The following MLLT10 variants were observed in gnomAD, a reference collection of about 807,000 sequenced individuals.
MLLT10 encodes protein AF-10.
A neutral mutation model predicts 129.1 loss-of-function variants in MLLT10; 30 were observed. The ratio of observed to expected loss-of-function variants is 0.23; its 90% CI spans 0.17 to 0.32. The LOEUF (loss-of-function observed/expected upper bound fraction) is 0.32, where lower values mean the gene tolerates loss of function less well. MLLT10 is among the 10% of genes least tolerant of loss of function. MLLT10 has a pLI of 1.00. For synonymous variants in MLLT10, 490 were observed against 446.4 expected, an observed-to-expected ratio of 1.10 and a Z score of -1.23; for missense variants, 1,119 against 1,268.3, an observed-to-expected ratio of 0.88 and a Z score of 1.79.
At chr10:21,593,883 G>T (rs761902088) in intron 4 of MLLT10, among the ~76,000 whole-genome samples, 1 of 126,998 alleles carries the variant, frequency 7.9e-6, no homozygotes, top group Non-Finnish European at 1.6e-5. Context: ...CCGAAATCAT[G>T]CCAGTGCAGT....
In MLLT10 at chr10:21,595,372, C is replaced by G; in HGVS notation, c.337C>G (p.Gln113Glu). 2 of 1,613,714 alleles carry G rather than the reference C, an allele frequency of 1.2e-6. No homozygotes were observed. Among genetic ancestry groups the G allele is most frequent in the Non-Finnish European group, 1.7e-6 (2 of 1,179,814 alleles). Residue 113 changes from glutamine (Q) to glutamate (E), a missense_variant, in exon 5 of 23, where the codon CAA becomes GAA. By Grantham distance (29) the Gln-to-Glu change is conservative. Around this residue, in one of 5 missense-constraint regions of MLLT10, gnomAD observed 44 missense variants for 114.3 expected, o/e 0.38. Coordinates refer to ENST00000307729, the MANE Select transcript of MLLT10 (RefSeq NM_001195626.3). ...TTGTGCCCTGTATATTCCAGAGGTA[C>G]AATTTGCCAATGTTTCCACAATGGA... ...VVCALYIPEV[Q>E]FANVSTMEPI...
intron 8 of MLLT10, chr10:21,626,013 G>A: frequency 1.8e-6 from 2 of 1,141,584 alleles, no homozygotes; most frequent in Non-Finnish European, 2.7e-6. Flanking sequence ...TACTTCCTCT[G>A]TCCTGTGGTT....
intron 3 of MLLT10, chr10:21,556,720 A>T (rs777897743): frequency 1.5e-5 from 24 of 1,612,362 alleles, no homozygotes; most frequent in Middle Eastern, 1.6e-4. Flanking sequence ...GCGCATGTGC[A>T]TCTCCCCACC....
intron 3 of MLLT10, among the ~76,000 whole-genome samples, chr10:21,568,533 T>C (rs1480363104): frequency 6.6e-6 from 1 of 152,234 alleles, no homozygotes; most frequent in East Asian, 1.9e-4. Flanking sequence ...AATATAGTCA[T>C]GTAATTGTAT....
intron 8 of MLLT10, among the ~76,000 whole-genome samples, chr10:21,621,488 G>A (rs1214638041): frequency 6.6e-6 from 1 of 152,068 alleles, no homozygotes; most frequent in East Asian, 1.9e-4. Flanking sequence ...CTCATGATCC[G>A]CCCCTCTCGG....
At chr10:21,562,991 G>A (rs535259869) in intron 3 of MLLT10, among the ~76,000 whole-genome samples, 1 of 151,588 alleles carries the variant, frequency 6.6e-6, no homozygotes, top group African/African-American at 2.4e-5. Context: ...GGCTAATTTT[G>A]TATTTTTAGT....
At chr10:21,672,075 A>G (rs781211105) in intron 10 of MLLT10, among the ~76,000 whole-genome samples, 1 of 152,180 alleles carries the variant, frequency 6.6e-6, no homozygotes, top group African/African-American at 2.4e-5. Context: ...GGATTTACAT[A>G]GGTCTCAGTA....
At chr10:21,689,194 T>C (rs982383400) in intron 13 of MLLT10, among the ~76,000 whole-genome samples, 1 of 152,092 alleles carries the variant, frequency 6.6e-6, no homozygotes, top group Non-Finnish European at 1.5e-5. Context: ...TGTAAGGTCC[T>C]GGTTAGTTGC....
intron 3 of MLLT10, among the ~76,000 whole-genome samples, chr10:21,549,942 A>C (rs559372052): frequency 6.6e-6 from 1 of 152,210 alleles, no homozygotes; most frequent in Non-Finnish European, 1.5e-5. Context: ...CCTAGCTCTG[A>C]GTTGTACTCT....
chr10:21,651,837 A>G, intron 9 of MLLT10, 69 bp downstream of exon 9: 5 of 1,035,422 alleles, frequency 4.8e-6, no homozygotes, highest in Non-Finnish European at 7.2e-6. Context: ...ACCTCTAAAA[A>G]CTGTTTTCAT....
At chr10:21,586,159 T>C (rs2041961691) in intron 3 of MLLT10, 135 bp from the exon 4 acceptor site, 1 of 705,444 alleles carries the variant, frequency 1.4e-6, no homozygotes. Flanking sequence ...GTGAAGAATG[T>C]TCTGAAATAT....
At chr10:21,577,091 A>G (rs553585575) in intron 3 of MLLT10, among the ~76,000 whole-genome samples, 106 of 152,240 alleles carry the variant, frequency 7.0e-4, no homozygotes, top group African/African-American at 2.4e-3. Flanking sequence ...CTCTATCCCT[A>G]TTTGGGACAT....
intron 3 of MLLT10, among the ~76,000 whole-genome samples, chr10:21,585,300 C>G (rs1336268147): frequency 1.3e-5 from 2 of 152,080 alleles, no homozygotes; most frequent in Admixed American, 1.3e-4. Flanking sequence ...GTGAGACTTT[C>G]AGGAACATAT....
chr10:21,606,992 G>A (rs1054830883), intron 5 of MLLT10, among the ~76,000 whole-genome samples: 5 of 152,164 alleles, frequency 3.3e-5, no homozygotes, highest in African/African-American at 4.8e-5. Flanking sequence ...GCTGGGTGTG[G>A]TAGTTCACAC....
chr10:21,564,400 C>T (rs947327816), intron 3 of MLLT10: 12 of 151,800 alleles, frequency 7.9e-5, no homozygotes, highest in Admixed American at 5.9e-4. Flanking sequence ...GTTTTTAATA[C>T]GTATTTACTT....
intron 3 of MLLT10, among the ~76,000 whole-genome samples, chr10:21,578,933 A>C (rs1305460924): frequency 2.0e-5 from 3 of 152,234 alleles, no homozygotes; most frequent in Non-Finnish European, 4.4e-5. Flanking sequence ...AAAGTCTTCT[A>C]AGTTTACCCA....
At chr10:21,685,588 C>T (rs994464746) in intron 13 of MLLT10, among the ~76,000 whole-genome samples, 2 of 152,136 alleles carry the variant, frequency 1.3e-5, no homozygotes, top group African/African-American at 4.8e-5. Context: ...GCAAGTGGTC[C>T]ACCTCGGCCT....
At chr10:21,540,321 C>G (rs913069997) in intron 3 of MLLT10, among the ~76,000 whole-genome samples, 3 of 151,480 alleles carry the variant, frequency 2.0e-5, no homozygotes, top group Admixed American at 2.0e-4. Context: ...ATGAGGGAGC[C>G]AGAGGTTGCA....
intron 8 of MLLT10, chr10:21,625,317 T>C: frequency 1.3e-6 from 1 of 791,094 alleles, no homozygotes; most frequent in Non-Finnish European, 2.2e-6. Context: ...GCTGCTCGTC[T>C]GTCTTCAGAA....
Sources: allele counts gnomAD v4.1 joint callset (sites outside exome capture counted in the v4.1 genomes callset), GRCh38; gene constraint gnomAD v4.1.1; regional missense constraint gnomAD v4.1.1; transcripts MANE v1.5; gene names NCBI Gene and HGNC (gene_info 2026-07-23, HGNC 2026-07-21).